Variants in MSH3 observed in about 807,000 individuals in gnomAD.
The protein encoded by MSH3 is DNA mismatch repair protein Msh3.
In MSH3, 106 loss-of-function variants were observed where a neutral mutation model predicts 123.3. The observed-to-expected ratio is 0.86, with a 90% confidence interval of 0.73 to 1.01. The LOEUF is 1.01. Among genes scored for constraint, MSH3 ranks in the 50% least tolerant of loss-of-function variants. The probability of loss-of-function intolerance (pLI) is 0.00; values close to 1 mark genes in which losing one functional copy is unlikely to be tolerated. For synonymous variants in MSH3, 515 were observed against 481.4 expected (o/e 1.07, Z -0.91); for missense variants, 1,459 against 1,347.6 (o/e 1.08, Z -1.29).
intron 20 of MSH3, among the ~76,000 whole-genome samples, chr5:80,852,760 C>T (rs1413804454): frequency 6.6e-6 from 1 of 152,182 alleles, no homozygotes; most frequent in Non-Finnish European, 1.5e-5. Context: ...ATTCCATCTC[C>T]CTTGTTCTTA....
At chr5:80,825,974 A>C (rs1157313982) in intron 20 of MSH3, among the ~76,000 whole-genome samples, 1 of 152,016 alleles carries the variant, frequency 6.6e-6, no homozygotes, top group African/African-American at 2.4e-5. Context: ...CTTCCTCTTT[A>C]ATTCCTTTTT....
At chr5:80,747,612 C>G (rs1743745814) in intron 12 of MSH3, among the ~76,000 whole-genome samples, 1 of 152,004 alleles carries the variant, frequency 6.6e-6, no homozygotes, top group African/African-American at 2.4e-5. Context: ...AAACAAATAC[C>G]TGGAGAGAAT....
intron 22 of MSH3, among the ~76,000 whole-genome samples, 176 bp from the exon 23 acceptor site, chr5:80,872,940 A>G (rs1282793940): frequency 6.6e-6 from 1 of 152,270 alleles, no homozygotes; most frequent in Non-Finnish European, 1.5e-5. Flanking sequence ...GTTTCAAAAC[A>G]GTATTTACCC....
At chr5:80,666,839 A>G (rs1295704598) in intron 3 of MSH3, among the ~76,000 whole-genome samples, 5 of 152,264 alleles carry the variant, frequency 3.3e-5, no homozygotes, top group East Asian at 1.9e-4. Flanking sequence ...CAGCAATGCC[A>G]TAACTCTCAA....
intron 19 of MSH3, among the ~76,000 whole-genome samples, chr5:80,795,245 T>C (rs985559154): frequency 6.6e-6 from 1 of 152,186 alleles, no homozygotes; most frequent in Non-Finnish European, 1.5e-5. Flanking sequence ...TCTAGTTTAA[T>C]TTATAATATG....
intron 10 of MSH3, among the ~76,000 whole-genome samples, chr5:80,730,017 A>G (rs1004852920): frequency 1.3e-5 from 2 of 152,182 alleles, no homozygotes; most frequent in Non-Finnish European, 2.9e-5. Flanking sequence ...AAAGAAAGGC[A>G]GGTTCCTTGG....
chr5:80,870,577 T>C (rs1025328229), intron 22 of MSH3, among the ~76,000 whole-genome samples: 1 of 152,190 alleles, frequency 6.6e-6, no homozygotes, highest in Non-Finnish European at 1.5e-5. Flanking sequence ...TTCTCAACTT[T>C]CATTTGGGGG....
At position 80,839,581 on chromosome 5, in the gene MSH3, A is replaced by G. The variant is rs559853168; in HGVS notation, c.2814-14549A>G. ...AAGAAGGATTGATTATGTTGTTTTC[A>G]TTTAATGTCCATTTATCAATCTCCA... On this transcript the variant is annotated intron_variant, in intron 20 of 23. Transcript: ENST00000265081. Among the ~76,000 whole-genome samples, 7 of 152,254 alleles carry G rather than the reference A, an allele frequency of 4.6e-5. No individual in the cohort carries two copies. In the South Asian group the frequency reaches 1.5e-3, roughly 32 times the overall value.
At chr5:80,854,914 A>T (rs1745890778) in intron 21 of MSH3, among the ~76,000 whole-genome samples, 1 of 152,170 alleles carries the variant, frequency 6.6e-6, no homozygotes, top group African/African-American at 2.4e-5. Flanking sequence ...TCGAGGGAAA[A>T]ACAAGGAAAT....
At position 80,672,342 on chromosome 5, in the gene MSH3, G is replaced by A. The variant is rs1364929691; in HGVS notation, c.891G>A (p.Leu297=). The A allele has an allele frequency of 6.2e-7, 1 of 1,613,126 alleles. No homozygotes were observed. The highest frequency in any genetic ancestry group is 1.7e-5 in the Admixed American group (1 of 60,016). ...THRLFVHVRR[L]VAKGYKVGVV... Reference sequence around the variant, plus strand: ...GACTGTTTGTTCATGTACGCCGCCTGGTGGCAAAAGGATATAAGGTCAGCT... The same window carrying A: ...GACTGTTTGTTCATGTACGCCGCCTAGTGGCAAAAGGATATAAGGTCAGCT... The change falls in exon 5 of 24, where the codon CTG becomes CTA. Residue 297 remains leucine (L), a synonymous_variant. Coordinates refer to ENST00000265081, the MANE Select transcript of MSH3 (RefSeq NM_002439.5).
chr5:80,798,917 G>GA (rs1414851701), intron 19 of MSH3, among the ~76,000 whole-genome samples: 11 of 152,270 alleles, frequency 7.2e-5, no homozygotes, highest in South Asian at 4.1e-4. Context: ...CCTCTGGCCA[G>GA]AAAAAATCCC....
At chr5:80,678,805 A>G (rs1749898204) in intron 7 of MSH3, 122 bp from the exon 8 acceptor site, 3 of 1,070,360 alleles carry the variant, frequency 2.8e-6, no homozygotes, top group African/African-American at 3.1e-5. Context: ...AACACTTTAG[A>G]AATAGAGTAC....
chr5:80,873,103 C>T lies in MSH3; in HGVS notation c.3131-13C>T. On this transcript the variant is annotated splice_polypyrimidine_tract_variant and intron_variant, in intron 22 of 23. Transcript: ENST00000265081. ...TTCAGGCACAGTTTTGATCTCCTTT[C>T]TTTATTTCACAGGCGCAGCAGAACA... 1 of 1,611,280 alleles carries T rather than the reference C, an allele frequency of 6.2e-7. No homozygotes were observed. The highest frequency in any genetic ancestry group is 8.5e-7 in the Non-Finnish European group (1 of 1,177,594).
intron 17 of MSH3, among the ~76,000 whole-genome samples, chr5:80,781,134 A>G (rs1744402895): frequency 6.6e-6 from 1 of 152,122 alleles, no homozygotes; most frequent in South Asian, 2.1e-4. Context: ...TTGTCTATTC[A>G]GTTTCTTTTC....
At chr5:80,765,902 T>C (rs942757354) in intron 13 of MSH3, among the ~76,000 whole-genome samples, 1 of 152,186 alleles carries the variant, frequency 6.6e-6, no homozygotes, top group East Asian at 1.9e-4. Flanking sequence ...GTTGTTGTTA[T>C]TATTGTTACT....
At position 80,667,864 on chromosome 5, in the gene MSH3, CCTT is replaced by C. The variant is rs776756716; in HGVS notation, c.580-2229_580-2227del. On this transcript the variant is annotated intron_variant, in intron 3 of 23. Transcript: ENST00000265081. ...ACAGCTCTTCTCTCCTGTCTTCTCT[CCTT>C]CTTGTTGCTGCAATGTGGCAAGCAA... is the stretch of plus-strand genomic sequence containing the variant. 5.3e-5 allele frequency among the ~76,000 whole-genome samples: 8 copies of C among 152,316 alleles called. No homozygotes were observed. The Middle Eastern group carries it at 0.01, about 194-fold the overall frequency.
intron 15 of MSH3, among the ~76,000 whole-genome samples, chr5:80,770,499 A>G (rs1209665243): frequency 6.6e-6 from 1 of 152,164 alleles, no homozygotes; most frequent in African/African-American, 2.4e-5. Flanking sequence ...GTTAAAGTCT[A>G]GAATGGTGGT....
At position 80,873,120 on chromosome 5, in the gene MSH3, A is replaced by C; in HGVS notation, c.3135A>C (p.Ala1045=). 3.1e-6 allele frequency: 5 copies of C among 1,613,226 alleles called. No homozygotes were observed. The highest frequency in any genetic ancestry group is 4.2e-6 in the Non-Finnish European group (5 of 1,179,248). The change falls in exon 23 of 24, where the codon GCA becomes GCC. Residue 1045 remains alanine (A), a synonymous_variant. Coordinates refer to ENST00000265081, the MANE Select transcript of MSH3 (RefSeq NM_002439.5). The part of the protein sequence containing the change: ...SEDESKLDPG[A]AEQVPDFVTF... ...TCTCCTTTCTTTATTTCACAGGCGC[A>C]GCAGAACAAGTCCCTGATTTTGTCA...
At chr5:80,866,310 TG>T (rs1330090075) in intron 22 of MSH3, among the ~76,000 whole-genome samples, 2 of 152,062 alleles carry the variant, frequency 1.3e-5, no homozygotes, top group Non-Finnish European at 2.9e-5. Context: ...GGCTGATTTT[TG>T]TATGTTCTGT....
Sources: gnomAD v4.1 joint callset for allele counts (sites outside exome capture counted in the v4.1 genomes callset) on GRCh38, gnomAD v4.1.1 for gene constraint, MANE v1.5 for transcripts, NCBI Gene and HGNC (gene_info 2026-07-23, HGNC 2026-07-21) for gene names.